Variants in LDB2 observed in about 807,000 individuals in gnomAD.
The protein encoded by LDB2 is LIM domain-binding protein 2.
In LDB2, 12 loss-of-function variants were observed where a neutral mutation model predicts 44.3. The ratio of observed to expected loss-of-function variants is 0.27; its 90% CI spans 0.17 to 0.44. The LOEUF is 0.44. LDB2 is among the 20% of genes least tolerant of loss of function. The pLI is 1.00. For missense variants in LDB2, 344 were observed against 473.5 expected (o/e 0.73, Z 2.54); for synonymous variants, 164 against 174.8 (o/e 0.94, Z 0.49).
chr4:16,519,397 G>C (rs1725106888), intron 5 of LDB2, among the ~76,000 whole-genome samples: 1 of 151,444 alleles, frequency 6.6e-6, no homozygotes, highest in Non-Finnish European at 1.5e-5. Context: ...GCAGAGAAGA[G>C]GTTCAGTCAA....
intron 2 of LDB2, among the ~76,000 whole-genome samples, chr4:16,625,799 G>C (rs1212903509): frequency 6.6e-6 from 1 of 152,158 alleles, no homozygotes; most frequent in Non-Finnish European, 1.5e-5. Context: ...CCAGCATGCT[G>C]TTTCATCATC....
intron 1 of LDB2, among the ~76,000 whole-genome samples, chr4:16,793,503 T>G (rs1055943307): frequency 6.6e-6 from 1 of 152,198 alleles, no homozygotes; most frequent in Non-Finnish European, 1.5e-5. Context: ...GCTTCTTATT[T>G]TTAATCGTGC....
At chr4:16,664,040 A>AG (rs1270570286) in intron 2 of LDB2, among the ~76,000 whole-genome samples, 2 of 29,312 alleles carry the variant, frequency 6.8e-5, no homozygotes, top group Admixed American at 5.0e-4. Flanking sequence ...AGAGAGAGAG[A>AG]AAAAAAGGGA....
At chr4:16,814,878 TG>T (rs1371914449) in intron 1 of LDB2, among the ~76,000 whole-genome samples, 3 of 152,188 alleles carry the variant, frequency 2.0e-5, no homozygotes, top group African/African-American at 7.2e-5. Flanking sequence ...GAGTGAGATT[TG>T]CAACCTTTCT....
intron 2 of LDB2, among the ~76,000 whole-genome samples, chr4:16,743,317 T>C (rs1231807700): frequency 1.3e-5 from 2 of 152,052 alleles, no homozygotes; most frequent in Non-Finnish European, 2.9e-5. Flanking sequence ...GGATGTCTCA[T>C]ATTATAATAT....
In LDB2 at chr4:16,517,911, ATGGATGG is replaced by A. The variant is rs1458788221; in HGVS notation, c.616-5814_616-5808del. Among the ~76,000 whole-genome samples the A allele has an allele frequency of 6.9e-4, 105 of 151,184 alleles. No homozygotes were observed. The East Asian group carries it at 0.018, about 26-fold the overall frequency. ...GATGGATGGATGGATGGATGGATGG[ATGGATGG>A]ATGGATGGATAATAGATAGCTTGGC... On this transcript the variant is annotated intron_variant, in intron 5 of 7. Transcript: ENST00000304523.
At chr4:16,615,707 A>G (rs6851667) in intron 2 of LDB2, among the ~76,000 whole-genome samples, 1 of 152,168 alleles carries the variant, frequency 6.6e-6, no homozygotes, top group Non-Finnish European at 1.5e-5. Flanking sequence ...CATTCTGCAC[A>G]TGTATCCCAT....
At chr4:16,535,174 T>C (rs758454163) in intron 5 of LDB2, among the ~76,000 whole-genome samples, 4 of 152,068 alleles carry the variant, frequency 2.6e-5, no homozygotes, top group Non-Finnish European at 4.4e-5. Flanking sequence ...AGAAAACCAT[T>C]TGGATGACCG....
At chr4:16,572,649 A>G (rs1247036590) in intron 5 of LDB2, among the ~76,000 whole-genome samples, 1 of 152,136 alleles carries the variant, frequency 6.6e-6, no homozygotes, top group Non-Finnish European at 1.5e-5. Context: ...GACTTCAGAA[A>G]TCACTGATTT....
chr4:16,517,030 C>A (rs906664317), intron 5 of LDB2, among the ~76,000 whole-genome samples: 1 of 152,166 alleles, frequency 6.6e-6, no homozygotes, highest in Non-Finnish European at 1.5e-5. Flanking sequence ...TGGCAGTAAG[C>A]CAGTGCATCT....
intron 1 of LDB2, among the ~76,000 whole-genome samples, chr4:16,845,564 C>T (rs944278685): frequency 3.3e-5 from 5 of 152,158 alleles, no homozygotes; most frequent in Non-Finnish European, 5.9e-5. Flanking sequence ...ATACATGATT[C>T]CCTATTATCC....
chr4:16,671,418 G>C (rs1744730240), intron 2 of LDB2, among the ~76,000 whole-genome samples: 1 of 152,096 alleles, frequency 6.6e-6, no homozygotes, highest in East Asian at 1.9e-4. Flanking sequence ...GCAGCCTCTA[G>C]CTCCTGATGT....
intron 1 of LDB2, among the ~76,000 whole-genome samples, chr4:16,816,783 G>A (rs1206834534): frequency 6.6e-6 from 1 of 152,056 alleles, no homozygotes; most frequent in African/African-American, 2.4e-5. Flanking sequence ...AACAAGAAGG[G>A]CACAGCCAAA....
intron 1 of LDB2, among the ~76,000 whole-genome samples, chr4:16,843,979 G>A (rs1260658794): frequency 6.6e-6 from 1 of 151,622 alleles, no homozygotes; most frequent in Non-Finnish European, 1.5e-5. Context: ...TCAGCCAAGT[G>A]TGGTAGCTGA....
At chr4:16,584,187 T>C (rs1476600893) in intron 5 of LDB2, among the ~76,000 whole-genome samples, 1 of 152,242 alleles carries the variant, frequency 6.6e-6, no homozygotes, top group Non-Finnish European at 1.5e-5. Flanking sequence ...AGGCACTTTC[T>C]GTCCCCAGGC....
At chr4:16,645,968 C>T (rs1736690357) in intron 2 of LDB2, among the ~76,000 whole-genome samples, 1 of 152,210 alleles carries the variant, frequency 6.6e-6, no homozygotes, top group Non-Finnish European at 1.5e-5. Flanking sequence ...GTGGAGAGCA[C>T]CCACTCTGGG....
intron 5 of LDB2, among the ~76,000 whole-genome samples, chr4:16,568,269 T>C (rs1745244072): frequency 6.6e-6 from 1 of 152,208 alleles, no homozygotes; most frequent in Admixed American, 6.5e-5. Flanking sequence ...ATTAAACTAA[T>C]GGGTATACTG....
intron 5 of LDB2, among the ~76,000 whole-genome samples, chr4:16,544,636 G>T (rs1187346375): frequency 6.6e-6 from 1 of 152,188 alleles, no homozygotes; most frequent in African/African-American, 2.4e-5. Context: ...CAACAGGGTA[G>T]ATGGGGCTGG....
At chr4:16,754,243 G>A (rs529685330) in intron 2 of LDB2, among the ~76,000 whole-genome samples, 1 of 152,272 alleles carries the variant, frequency 6.6e-6, no homozygotes, top group South Asian at 2.1e-4. Flanking sequence ...TGAATGTTGG[G>A]AGCAGAGCCT....
Sources: gnomAD v4.1 joint callset for allele counts (sites outside exome capture counted in the v4.1 genomes callset) on GRCh38, gnomAD v4.1.1 for gene constraint, MANE v1.5 for transcripts, NCBI Gene and HGNC (gene_info 2026-07-23, HGNC 2026-07-21) for gene names.